GABRG3: variants seen among roughly 807,000 people sequenced by gnomAD.
GABRG3 encodes the protein gamma-aminobutyric acid receptor subunit gamma-3.
In GABRG3, 25 loss-of-function variants were observed where a neutral mutation model predicts 48.8. The observed-to-expected ratio is 0.51, with a 90% CI of 0.37 to 0.72. The LOEUF (loss-of-function observed/expected upper bound fraction) is 0.72, where lower values mean the gene tolerates loss of function less well. GABRG3 is among the 30% of genes least tolerant of loss of function. The pLI, the probability that GABRG3 is intolerant of heterozygous loss-of-function variation, is 0.00. For missense variants in GABRG3, 394 were observed against 577.9 expected (o/e 0.68, Z 3.26); for synonymous variants, 227 against 217.6 (o/e 1.04, Z -0.38).
intron 2 of GABRG3, among the ~76,000 whole-genome samples, chr15:26,989,457 A>C (rs1895208768): frequency 6.6e-6 from 1 of 152,084 alleles, no homozygotes; most frequent in Admixed American, 6.5e-5. Context: ...TGGATGATTT[A>C]GTTTTTGACC....
At chr15:27,092,403 T>C (rs1422663511) in intron 3 of GABRG3, among the ~76,000 whole-genome samples, 2 of 152,232 alleles carry the variant, frequency 1.3e-5, no homozygotes, top group African/African-American at 4.8e-5. Context: ...TGTGTCCATG[T>C]TCATCTCTCT....
At chr15:27,334,287 TAC>T (rs542332282) in intron 5 of GABRG3, among the ~76,000 whole-genome samples, 1 of 152,096 alleles carries the variant, frequency 6.6e-6, no homozygotes, top group African/African-American at 2.4e-5. Flanking sequence ...TTCACACACA[TAC>T]ACACACAGGC....
intron 2 of GABRG3, among the ~76,000 whole-genome samples, chr15:27,004,721 G>A (rs72715922): frequency 0.017 from 2,599 of 152,252 alleles, 36 homozygotes; most frequent in Non-Finnish European, 0.025. Context: ...CCCAGTTGTC[G>A]GACATTTATT....
intron 5 of GABRG3, among the ~76,000 whole-genome samples, chr15:27,334,431 A>C (rs141137073): frequency 6.6e-5 from 10 of 152,288 alleles, no homozygotes; most frequent in South Asian, 2.1e-4. Context: ...CAATTGTTTA[A>C]ATTATGTACT....
chr15:27,059,650 G>C (rs1896611776), intron 3 of GABRG3, among the ~76,000 whole-genome samples: 1 of 152,240 alleles, frequency 6.6e-6, no homozygotes, highest in Admixed American at 6.5e-5. Flanking sequence ...GTCCAAGAGA[G>C]GAGACATGTG....
intron 5 of GABRG3, among the ~76,000 whole-genome samples, chr15:27,381,321 T>G (rs1895770288): frequency 6.6e-6 from 1 of 152,186 alleles, no homozygotes; most frequent in Admixed American, 6.5e-5. Context: ...TTCAGAATGG[T>G]TTCTTATTCC....
chr15:27,374,740 T>C (rs1168441058), intron 5 of GABRG3, among the ~76,000 whole-genome samples: 1 of 152,158 alleles, frequency 6.6e-6, no homozygotes, highest in Admixed American at 6.5e-5. Context: ...CTCAGAGTTA[T>C]CCTGATGGAG....
In GABRG3 at chr15:27,537,022, C is replaced by CA. The variant is rs908684016; in HGVS notation, c.*4144dup. On this transcript the variant is annotated 3_prime_UTR_variant, in exon 10 of 10. Transcript: ENST00000615808. ...GTATCGGTTCAGTGCTCTCAAGGCA[C>CA]AAAGCACTTGGAATTCACTCCATGA... is the stretch of plus-strand genomic sequence containing the variant. 6.6e-6 allele frequency: 1 copy of CA among 150,584 alleles called. No individual in the cohort carries two copies. Among genetic ancestry groups the CA allele is most frequent in the Non-Finnish European group, 1.5e-5 (1 of 67,808 alleles). The allele number at this position is 150,584 out of a possible 1,614,324, so 9.3% of individuals were successfully genotyped here. A position where few individuals can be genotyped will look rare whatever the true frequency, so the allele number is the denominator to read the frequency against.
chr15:27,388,014 A>G (rs1276492571), intron 5 of GABRG3, among the ~76,000 whole-genome samples: 20 of 71,518 alleles, frequency 2.8e-4, no homozygotes, highest in South Asian at 5.9e-4. Context: ...AAGGAAGGAA[A>G]GGGAGGAGGG....
chr15:27,383,980 G>A (rs1175873788), intron 5 of GABRG3, among the ~76,000 whole-genome samples: 8 of 152,096 alleles, frequency 5.3e-5, no homozygotes, highest in Non-Finnish European at 8.8e-5. Flanking sequence ...CTGTTCTTCC[G>A]GATTTCTTTA....
At chr15:27,192,303 A>G (rs1171359419) in intron 3 of GABRG3, among the ~76,000 whole-genome samples, 1 of 152,158 alleles carries the variant, frequency 6.6e-6, no homozygotes, top group Admixed American at 6.5e-5. Flanking sequence ...TCTCCTGGAT[A>G]ATATTCTGCA....
chr15:27,128,664 T>G (rs1341428911), intron 3 of GABRG3, among the ~76,000 whole-genome samples: 1 of 152,214 alleles, frequency 6.6e-6, no homozygotes, highest in African/African-American at 2.4e-5. Flanking sequence ...ACAGTTGTTT[T>G]GTTAGAACTT....
chr15:27,119,969 G>T (rs1490977122), intron 3 of GABRG3, among the ~76,000 whole-genome samples: 1 of 152,228 alleles, frequency 6.6e-6, no homozygotes, highest in Non-Finnish European at 1.5e-5. Flanking sequence ...TACTTTATTG[G>T]TTGGAAGCAA....
intron 5 of GABRG3, among the ~76,000 whole-genome samples, chr15:27,372,641 C>G (rs890111805): frequency 6.6e-6 from 1 of 152,174 alleles, no homozygotes; most frequent in Non-Finnish European, 1.5e-5. Context: ...ATCCTCTTGC[C>G]TTGGCCTTCC....
At chr15:27,490,860 C>T (rs1216771728) in intron 6 of GABRG3, among the ~76,000 whole-genome samples, 4 of 152,188 alleles carry the variant, frequency 2.6e-5, no homozygotes, top group South Asian at 2.1e-4. Flanking sequence ...AATTGTGTGG[C>T]CCCACGTGTG....
At chr15:27,514,841 G>A (rs931607108) in intron 6 of GABRG3, among the ~76,000 whole-genome samples, 4 of 152,262 alleles carry the variant, frequency 2.6e-5, no homozygotes, top group South Asian at 4.1e-4. Context: ...GCAGATGACT[G>A]GAAGTGGCAA....
rs208150 is a variant in GABRG3 at position 27,168,075 on chromosome 15, A to G, written c.270+141254A>G. ...GACCCCCCTTTTCTTTATGGGAAAAACAGCACTTGGTCATAAAGCTGTTGT... is the reference window on the plus strand; with the variant it reads ...GACCCCCCTTTTCTTTATGGGAAAAGCAGCACTTGGTCATAAAGCTGTTGT... On this transcript the variant is annotated intron_variant, in intron 3 of 9. Coordinates refer to ENST00000615808, the MANE Select transcript of GABRG3 (RefSeq NM_033223.5). 9.2e-3 allele frequency among the ~76,000 whole-genome samples: 1,404 copies of G among 152,152 alleles called. 22 individuals are homozygous for G. Among genetic ancestry groups the G allele is most frequent in the African/African-American group, 0.032 (1,329 of 41,518 alleles).
At chr15:27,306,825 C>CAT (rs1258200527) in intron 3 of GABRG3, among the ~76,000 whole-genome samples, 5 of 77,356 alleles carry the variant, frequency 6.5e-5, no homozygotes, top group African/African-American at 3.4e-4. Flanking sequence ...TATATATAAA[C>CAT]ATACAATATA....
chr15:27,270,783 C>T (rs1210366272), intron 3 of GABRG3, among the ~76,000 whole-genome samples: 4 of 152,112 alleles, frequency 2.6e-5, no homozygotes, highest in Admixed American at 2.6e-4. Context: ...GGTCACGATC[C>T]TGATTTGATT....
Sources: allele counts gnomAD v4.1 joint callset (sites outside exome capture counted in the v4.1 genomes callset), GRCh38; gene constraint gnomAD v4.1.1; transcripts MANE v1.5; gene names NCBI Gene and HGNC (gene_info 2026-07-23, HGNC 2026-07-21).